Variants in AJAP1 observed in about 807,000 individuals in gnomAD.
AJAP1 encodes the protein adherens junction-associated protein 1.
AJAP1 carries 5 observed loss-of-function variants against 35.0 expected under a neutral mutation model. The observed-to-expected ratio is 0.14, with a 90% CI of 0.07 to 0.30. The LOEUF (loss-of-function observed/expected upper bound fraction) is 0.30. AJAP1 is among the 10% of genes least tolerant of loss of function. The pLI is 1.00. For missense variants in AJAP1, 586 were observed against 571.0 expected (o/e 1.03, Z -0.27); for synonymous variants, 284 against 249.3 (o/e 1.14, Z -1.31).
At chr1:4,679,868 C>G (rs1639446905) in intron 1 of AJAP1, among the ~76,000 whole-genome samples, 1 of 146,896 alleles carries the variant, frequency 6.8e-6, no homozygotes, top group South Asian at 2.1e-4. Flanking sequence ...GAGATACTTA[C>G]AAGGAGTTGG....
intron 1 of AJAP1, among the ~76,000 whole-genome samples, chr1:4,682,795 AATG>A (rs1253009806): frequency 4.1e-5 from 6 of 145,794 alleles, no homozygotes; most frequent in African/African-American, 1.1e-4. Flanking sequence ...GGATAGTGGT[AATG>A]ATGATAATGA....
chr1:4,711,819 G>A, intron 1 of AJAP1, 81 bp from the exon 2 acceptor site: 1 of 1,119,950 alleles, frequency 8.9e-7, no homozygotes, highest in Non-Finnish European at 1.2e-6. Context: ...CACAGCGCGG[G>A]GTGGAGAGAG....
Position 4,757,341 on chromosome 1 carries a change from G to A in AJAP1, c.830-12512G>A, listed in dbSNP as rs530399994. ...CATGCCCCCGGGTGGCCAGCTGTTCGCTGATCTGGGCTGGCTTCAGCTGGG... is the reference window on the plus strand; with the variant it reads ...CATGCCCCCGGGTGGCCAGCTGTTCACTGATCTGGGCTGGCTTCAGCTGGG... On this transcript the variant is annotated intron_variant, in intron 2 of 5. Transcript: ENST00000378191. Among the ~76,000 whole-genome samples, 55 of 152,330 alleles carry A rather than the reference G, an allele frequency of 3.6e-4. 1 individual carries two copies. Among genetic ancestry groups the A allele is most frequent in the Admixed American group, 1.7e-3 (26 of 15,310 alleles).
At chr1:4,701,049 G>A (rs546178830) in intron 1 of AJAP1, among the ~76,000 whole-genome samples, 2 of 152,338 alleles carry the variant, frequency 1.3e-5, no homozygotes, top group Admixed American at 1.3e-4. Flanking sequence ...CAGAATGCTC[G>A]CGGGCACGTT....
intron 2 of AJAP1, among the ~76,000 whole-genome samples, chr1:4,714,176 G>T (rs67730516): frequency 6.6e-6 from 1 of 152,086 alleles, no homozygotes; most frequent in Non-Finnish European, 1.5e-5. Flanking sequence ...GGCTCCCTGC[G>T]CATGCTGAGG....
Position 4,790,515 on chromosome 1 carries a change from C to G in AJAP1, c.*8030C>G, listed in dbSNP as rs1003061419. 6.6e-6 allele frequency: 1 copy of G among 152,216 alleles called. No individual in the cohort carries two copies. Among genetic ancestry groups the G allele is most frequent in the Non-Finnish European group, 1.5e-5 (1 of 68,054 alleles). The allele number at this position is 152,216 out of a possible 1,614,324, so 9.4% of individuals were successfully genotyped here. ...GCGGGGCAACTGGTTTTGAAAAGCC[C>G]GCTGGCGTGCCAGAGGGGGTGTTTG... On this transcript the variant is annotated 3_prime_UTR_variant, in exon 6 of 6. Transcript: ENST00000378191.
chr1:4,715,536 T>A (rs1640368510), intron 2 of AJAP1, among the ~76,000 whole-genome samples: 1 of 152,096 alleles, frequency 6.6e-6, no homozygotes, highest in South Asian at 2.1e-4. Flanking sequence ...ATACAAAAAA[T>A]TAACCTGGTA....
At chr1:4,690,838 C>T (rs1279391278) in intron 1 of AJAP1, among the ~76,000 whole-genome samples, 3 of 152,164 alleles carry the variant, frequency 2.0e-5, no homozygotes, top group East Asian at 3.9e-4. Flanking sequence ...GAGCAAGGGG[C>T]GTCTATGCCT....
intron 2 of AJAP1, among the ~76,000 whole-genome samples, chr1:4,767,393 TCATCATCGTTACCACCACCAA>T (rs1472205965): frequency 6.7e-6 from 1 of 150,248 alleles, no homozygotes; most frequent in South Asian, 2.1e-4. Flanking sequence ...ACCACCACCA[TCATCATCGTTACCACCACCAA>T]CATCATCGTT....
chr1:4,730,492 A>G (rs546348088), intron 2 of AJAP1, among the ~76,000 whole-genome samples: 3 of 152,240 alleles, frequency 2.0e-5, no homozygotes, highest in South Asian at 2.1e-4. Flanking sequence ...AAGAAAAGCA[A>G]CAACACAAGC....
chr1:4,693,531 G>A lies in AJAP1; in HGVS notation c.30-18369G>A, dbSNP rs1310140460. Among the ~76,000 whole-genome samples, 1 of 152,202 alleles carries A rather than the reference G, an allele frequency of 6.6e-6. No homozygotes were observed. Among genetic ancestry groups the A allele is most frequent in the Non-Finnish European group, 1.5e-5 (1 of 68,032 alleles). On this transcript the variant is annotated intron_variant, in intron 1 of 5. Transcript: ENST00000378191. The surrounding 1 kb of genome is among the most constrained non-coding windows in gnomAD (Gnocchi z 4.4). Reference sequence around the variant, plus strand: ...CCTTCCTCCCCACGTGGGGCTGACAGCCTGTGTTTTGGGCATCAGGGGACT... The same window carrying A: ...CCTTCCTCCCCACGTGGGGCTGACAACCTGTGTTTTGGGCATCAGGGGACT...
chr1:4,733,534 A>G (rs1049481459), intron 2 of AJAP1, among the ~76,000 whole-genome samples: 1 of 150,672 alleles, frequency 6.6e-6, no homozygotes, highest in Non-Finnish European at 1.5e-5. Flanking sequence ...CCCTGTCCTC[A>G]CATGGCATGC....
intron 1 of AJAP1, chr1:4,711,128 C>G (rs1185170224): frequency 1.3e-5 from 2 of 152,282 alleles, no homozygotes; most frequent in African/African-American, 4.8e-5. Context: ...CGTCAATAAA[C>G]TTTAGGTTTA....
At chr1:4,758,561 A>G (rs1179128063) in intron 2 of AJAP1, among the ~76,000 whole-genome samples, 2 of 152,158 alleles carry the variant, frequency 1.3e-5, no homozygotes, top group African/African-American at 4.8e-5. Flanking sequence ...AGAACTCACT[A>G]CCATGAGAAC....
At chr1:4,714,336 CA>C (rs1231024869) in intron 2 of AJAP1, among the ~76,000 whole-genome samples, 81 of 152,182 alleles carry the variant, frequency 5.3e-4, no homozygotes, top group Non-Finnish European at 8.7e-4. Context: ...GCTCATCCTG[CA>C]CTGTCAGGCG....
intron 1 of AJAP1, among the ~76,000 whole-genome samples, chr1:4,699,000 C>G (rs947207301): frequency 6.6e-6 from 1 of 152,174 alleles, no homozygotes; most frequent in African/African-American, 2.4e-5. Flanking sequence ...AGCTGTGTAC[C>G]CCCTCCATCA....
At chr1:4,710,276 C>T (rs375387264) in intron 1 of AJAP1, among the ~76,000 whole-genome samples, 2 of 152,228 alleles carry the variant, frequency 1.3e-5, no homozygotes, top group African/African-American at 4.8e-5. Context: ...AGTCACACAA[C>T]AGTACACTCT....
At chr1:4,716,176 C>G (rs1640384797) in intron 2 of AJAP1, among the ~76,000 whole-genome samples, 1 of 152,198 alleles carries the variant, frequency 6.6e-6, no homozygotes, top group Non-Finnish European at 1.5e-5. Context: ...AGTAACATTA[C>G]TTGGGATAAC....
intron 2 of AJAP1, among the ~76,000 whole-genome samples, chr1:4,752,942 G>T (rs962884694): frequency 6.6e-6 from 1 of 152,098 alleles, no homozygotes; most frequent in East Asian, 1.9e-4. Context: ...CAAACTTCCC[G>T]CCAACCCTTC....
Sources: gnomAD v4.1 joint callset for allele counts (sites outside exome capture counted in the v4.1 genomes callset) on GRCh38, gnomAD v4.1.1 for gene constraint, Gnocchi (gnomAD v3.1) non-coding constraint, MANE v1.5 for transcripts, NCBI Gene and HGNC (gene_info 2026-07-23, HGNC 2026-07-21) for gene names.